ZNF544: variants seen among roughly 807,000 people sequenced by gnomAD.
The protein encoded by ZNF544 is zinc finger protein AF020591.
A neutral mutation model predicts 13.5 loss-of-function variants in ZNF544; 10 were observed. The observed-to-expected ratio is 0.74, with a 90% CI of 0.46 to 1.25. The LOEUF (loss-of-function observed/expected upper bound fraction) is 1.25, where lower values mean the gene tolerates loss of function less well. Ranked by LOEUF, ZNF544 falls within the 50% of genes most tolerant of loss-of-function variation. The pLI, the probability that ZNF544 is intolerant of heterozygous loss-of-function variation, is 0.00. For synonymous variants in ZNF544, 323 were observed against 300.5 expected, an observed-to-expected ratio of 1.07 and a Z score of -0.77; for missense variants, 896 against 845.6, an observed-to-expected ratio of 1.06 and a Z score of -0.74.
intron 5 of ZNF544, among the ~76,000 whole-genome samples, chr19:58,275,799 AAAAG>A (rs2051173707): frequency 7.6e-6 from 1 of 131,628 alleles, no homozygotes; most frequent in African/African-American, 2.9e-5. Flanking sequence ...AAAAAAAAAA[AAAAG>A]GAAAGAGGAA....
chr19:58,260,985 G>T lies in ZNF544; in HGVS notation c.379G>T (p.Asp127Tyr). 1 of 1,614,214 alleles carries T rather than the reference G, an allele frequency of 6.2e-7. No individual in the cohort carries two copies. The highest frequency in any genetic ancestry group is 1.1e-5 in the South Asian group (1 of 91,088). Reference sequence around the variant, plus strand: ...CTCTTTGGTATTAGGAAAAGTGCAAGATCAGAGCAACCAGTTAAGGGAACA... The same window carrying T: ...CTCTTTGGTATTAGGAAAAGTGCAATATCAGAGCAACCAGTTAAGGGAACA... ...PPSLVLGKVQ[D>Y]QSNQLREHQE... is the part of the protein sequence containing the mutation. Residue 127 changes from aspartate (D) to tyrosine (Y), a missense_variant, in exon 7 of 7, where the codon GAT becomes TAT. Transcript: ENST00000687789.
downstream of ZNF544, among the ~76,000 whole-genome samples, chr19:58,266,323 G>A (rs1393478316): frequency 2.7e-5 from 4 of 150,508 alleles, no homozygotes; most frequent in South Asian, 6.3e-4. Context: ...AGACCATCCT[G>A]GCTAACACAG....
downstream of ZNF544, among the ~76,000 whole-genome samples, chr19:58,265,805 C>T (rs896085546): frequency 3.3e-5 from 5 of 151,166 alleles, no homozygotes; most frequent in Non-Finnish European, 7.4e-5. Context: ...CCAGGCTGGT[C>T]TTGAACTCCT....
At chr19:58,276,802 A>G (rs2051256536) in intron 6 of ZNF544, among the ~76,000 whole-genome samples, 1 of 152,226 alleles carries the variant, frequency 6.6e-6, no homozygotes, top group African/African-American at 2.4e-5. Flanking sequence ...AATTTGGTTA[A>G]AGATCGAATT....
In ZNF544 at chr19:58,246,078, C is replaced by T. The variant is rs182789341; in HGVS notation, c.34-223C>T. Among the ~76,000 whole-genome samples, 6 of 152,356 alleles carry T rather than the reference C, an allele frequency of 3.9e-5. No homozygotes were observed. In the East Asian group the frequency reaches 1.2e-3, roughly 29 times the overall value. Reference sequence around the variant, plus strand: ...GCTGTCTCATAGATGGCACCTCTTACATGTCCTCATATGGTAGAAGGTGAA... The same window carrying T: ...GCTGTCTCATAGATGGCACCTCTTATATGTCCTCATATGGTAGAAGGTGAA... On this transcript the variant is annotated intron_variant, in intron 4 of 6. Transcript: ENST00000687789.
chr19:58,266,745 G>GT (rs34291821), downstream of ZNF544: 83,390 of 151,640 alleles, frequency 0.55, 23,331 homozygotes, highest in Middle Eastern at 0.66. Flanking sequence ...CTGGCTGTGG[G>GT]TAGCAAAAAT....
chr19:58,276,402 G>T (rs1022172174), exon 6 of ZNF544: 52 of 1,231,528 alleles, frequency 4.2e-5, no homozygotes, highest in Non-Finnish European at 4.6e-5. Context: ...GCCTGATCCA[G>T]TTCCCACAGC....
At chr19:58,229,085 G>A (rs1257051531) in intron 1 of ZNF544, 139 bp downstream of exon 1, 1 of 152,566 alleles carries the variant, frequency 6.6e-6, no homozygotes, top group Non-Finnish European at 1.5e-5. Context: ...GGTCCCTCAT[G>A]CGGCGAGGCC....
intron 5 of ZNF544, among the ~76,000 whole-genome samples, chr19:58,273,549 G>T (rs557077863): frequency 6.6e-6 from 1 of 151,952 alleles, no homozygotes; most frequent in South Asian, 2.1e-4. Context: ...AATTAGCCGG[G>T]CGTGGTGGCG....
intron 5 of ZNF544, among the ~76,000 whole-genome samples, chr19:58,273,953 A>G (rs1225104476): frequency 2.0e-5 from 3 of 151,256 alleles, no homozygotes; most frequent in East Asian, 2.0e-4. Flanking sequence ...ATGCCACCAC[A>G]CCCGGCTAAT....
chr19:58,248,055 A>G (rs1324853588), intron 6 of ZNF544, among the ~76,000 whole-genome samples: 1 of 151,840 alleles, frequency 6.6e-6, no homozygotes, highest in African/African-American at 2.4e-5. Flanking sequence ...CTGGGACTAC[A>G]GGCACGCACC....
downstream of ZNF544, among the ~76,000 whole-genome samples, chr19:58,268,419 G>C (rs427988): frequency 6.6e-6 from 1 of 152,112 alleles, no homozygotes; most frequent in African/African-American, 2.4e-5. Context: ...ACAATGTTTA[G>C]TGAGAAACAG....
chr19:58,262,909 C>G lies in ZNF544; in HGVS notation c.*155C>G. On this transcript the variant is annotated 3_prime_UTR_variant, in exon 7 of 7. Transcript: ENST00000687789. ...AGAGGACATATCCTGGAGAAAAGCC[C>G]TACGAATGCATTGATTGTGGGAAAG... 6.8e-7 allele frequency: 1 copy of G among 1,460,126 alleles called. No individual in the cohort carries two copies. Among genetic ancestry groups the G allele is most frequent in the East Asian group, 2.4e-5 (1 of 41,234 alleles). 90.4% of individuals were successfully genotyped at this position (1,460,126 alleles called of 1,614,324 possible).
At position 58,241,342 on chromosome 19, in the gene ZNF544, G is replaced by A. The variant is rs954322821; in HGVS notation, c.-59-2623G>A. ...TGTTCTTTTGAGTAAGTTTAATGTT[G>A]GGAGTCAGGTAAATGTGTACATACA... On this transcript the variant is annotated intron_variant, in intron 3 of 6. Transcript: ENST00000687789. Among the ~76,000 whole-genome samples, 6 of 149,744 alleles carry A rather than the reference G, an allele frequency of 4.0e-5. No homozygotes were observed. The Admixed American group carries it at 4.0e-4, about 10-fold the overall frequency.
chr19:58,271,683 T>C (rs1426290559), intron 5 of ZNF544, among the ~76,000 whole-genome samples: 1 of 152,138 alleles, frequency 6.6e-6, no homozygotes, highest in East Asian at 1.9e-4. Context: ...GCCCATAGCA[T>C]TTAATTCCCT....
chr19:58,269,947 C>T (rs1023345574), intron 5 of ZNF544, among the ~76,000 whole-genome samples: 3 of 151,966 alleles, frequency 2.0e-5, no homozygotes, highest in African/African-American at 4.8e-5. Context: ...CATGGCAGAA[C>T]CTTCTCTAGA....
chr19:58,238,699 T>G (rs1033479723), intron 3 of ZNF544, among the ~76,000 whole-genome samples: 2 of 152,122 alleles, frequency 1.3e-5, no homozygotes, highest in African/African-American at 4.8e-5. Context: ...TCTCCTCCTC[T>G]GTCTCTGGTC....
intron 3 of ZNF544, among the ~76,000 whole-genome samples, chr19:58,243,413 A>C (rs1228247427): frequency 6.6e-6 from 1 of 151,378 alleles, no homozygotes; most frequent in African/African-American, 2.4e-5. Context: ...GGGATTAGAC[A>C]AGCAGAAGAT....
At chr19:58,275,591 T>G (rs1189843902) in intron 5 of ZNF544, among the ~76,000 whole-genome samples, 2 of 151,466 alleles carry the variant, frequency 1.3e-5, no homozygotes. Flanking sequence ...GATGGACTGC[T>G]TGAAATCAGG....
Sources: gnomAD v4.1 joint callset for allele counts (sites outside exome capture counted in the v4.1 genomes callset) on GRCh38, gnomAD v4.1.1 for gene constraint, MANE v1.5 for transcripts, NCBI Gene and HGNC (gene_info 2026-07-23, HGNC 2026-07-21) for gene names.